Variants in JAKMIP3 observed in about 807,000 individuals in gnomAD.
The protein encoded by JAKMIP3 is janus kinase and microtubule-interacting protein 3.
Under a neutral mutation model 118.5 loss-of-function variants are expected in JAKMIP3, and 58 were observed. The ratio of observed to expected loss-of-function variants is 0.49; its 90% CI spans 0.40 to 0.61. The LOEUF is 0.61. Among genes scored for constraint, JAKMIP3 ranks in the 20% least tolerant of loss-of-function variants. The pLI, the probability that JAKMIP3 is intolerant of heterozygous loss-of-function variation, is 0.00. For synonymous variants in JAKMIP3, 486 were observed against 451.2 expected (o/e 1.08, Z -0.98); for missense variants, 950 against 1,109.0 (o/e 0.86, Z 2.04).
At position 132,180,642 on chromosome 10, in the gene JAKMIP3, T is replaced by TGC. The variant is rs1295354223; in HGVS notation, c.*1104-1714_*1104-1713insCG. The stretch of plus-strand genomic sequence containing the variant: ...GTGTGTGTGCGTGTGTGCGTGCGTG[T>TGC]GTGCGTGTGCGTGTGCGTGTGTGCG... On this transcript the variant is annotated intron_variant, in intron 23 of 23. Coordinates refer to ENST00000684848, the MANE Select transcript of JAKMIP3 (RefSeq NM_001323087.2). Among the ~76,000 whole-genome samples, 137 of 31,770 alleles carry TGC rather than the reference T, an allele frequency of 4.3e-3. 8 individuals carry two copies. The highest frequency in any genetic ancestry group is 9.2e-3 in the South Asian group (8 of 870). The allele number at this position is 31,770 out of a possible 152,430, so 20.8% of individuals were successfully genotyped here. A position where few individuals can be genotyped will look rare whatever the true frequency, so the allele number is the denominator to read the frequency against.
In JAKMIP3 at chr10:132,096,773, G is replaced by A. The variant is rs763547519; in HGVS notation, c.-137-7899G>A. Among the ~76,000 whole-genome samples the A allele has an allele frequency of 1.5e-3, 236 of 152,278 alleles. 1 individual carries two copies. Among genetic ancestry groups the A allele is most frequent in the Admixed American group, 2.8e-3 (43 of 15,300 alleles). On this transcript the variant is annotated intron_variant, in intron 1 of 23. Transcript: ENST00000684848. ...AACCAGTGTAAGAAGACTCTGAAAG[G>A]CAGGCTGGAGAAAGCGGCCGGCCAG...
intron 19 of JAKMIP3, among the ~76,000 whole-genome samples, chr10:132,154,914 T>G (rs893264687): frequency 8.5e-5 from 2 of 23,396 alleles, no homozygotes; most frequent in African/African-American, 3.1e-4. Context: ...ATGATGACGG[T>G]GGTGGTAGTG....
intron 1 of JAKMIP3, among the ~76,000 whole-genome samples, chr10:132,042,219 T>TTCCTTCCTTCCTTCCTTCC (rs1564848163): frequency 2.4e-4 from 7 of 29,212 alleles, no homozygotes; most frequent in Admixed American, 5.9e-4. Flanking sequence ...TCCTTCCTTC[T>TTCCTTCCTTCCTTCCTTCC]TTCCTCCTCC....
chr10:132,173,716 T>C (rs1291258962), intron 23 of JAKMIP3, among the ~76,000 whole-genome samples: 1 of 126,584 alleles, frequency 7.9e-6, no homozygotes, highest in African/African-American at 2.7e-5. Flanking sequence ...ATGTTCATGG[T>C]GGTGTGTGTG....
intron 4 of JAKMIP3, 115 bp from the exon 5 acceptor site, chr10:132,134,926 A>G: frequency 7.8e-7 from 1 of 1,288,822 alleles, no homozygotes; most frequent in Non-Finnish European, 1.1e-6. Context: ...AGCCGCGTGG[A>G]GGTAAAGGCG....
At position 132,168,097 on chromosome 10, in the gene JAKMIP3, T is replaced by G. The variant is rs934693417; in HGVS notation, c.*167T>G. 1 of 1,288,918 alleles carries G rather than the reference T, an allele frequency of 7.8e-7. No individual in the cohort carries two copies. Among genetic ancestry groups the G allele is most frequent in the African/African-American group, 1.5e-5 (1 of 65,712 alleles). The allele number at this position is 1,288,918 out of a possible 1,614,324, so 79.8% of individuals were successfully genotyped here. On this transcript the variant is annotated 3_prime_UTR_variant, in exon 23 of 24. Coordinates refer to ENST00000684848, the MANE Select transcript of JAKMIP3 (RefSeq NM_001323087.2). ...AGGAAGAGTGAGAAGGGGCAGTGTG[T>G]GGGGCGTGGAGCTGCCGTCCACGTG...
chr10:132,075,425 T>TTTTA (rs35294554), intron 1 of JAKMIP3, among the ~76,000 whole-genome samples: 2 of 150,026 alleles, frequency 1.3e-5, no homozygotes, highest in African/African-American at 4.9e-5. Flanking sequence ...TTTTTTTTTT[T>TTTTA]AAAGACAGTC....
At chr10:132,144,989 C>T (rs2054318745) in intron 11 of JAKMIP3, 118 bp from the exon 12 acceptor site, 1 of 747,880 alleles carries the variant, frequency 1.3e-6, no homozygotes, top group Non-Finnish European at 2.2e-6. Flanking sequence ...GAAGGGCGAA[C>T]AGTCACTTCT....
At position 132,081,685 on chromosome 10, in the gene JAKMIP3, C is replaced by T. The variant is rs1388544085; in HGVS notation, c.-138+15624C>T. Among the ~76,000 whole-genome samples the T allele has an allele frequency of 2.6e-5, 4 of 152,172 alleles. No individual in the cohort carries two copies. In the East Asian group the frequency reaches 7.7e-4, roughly 29 times the overall value. On this transcript the variant is annotated intron_variant, in intron 1 of 23. Coordinates refer to ENST00000684848, the MANE Select transcript of JAKMIP3 (RefSeq NM_001323087.2). ...TGTCCTCCTGTTCTTTTATGTACAG[C>T]ACAGGTCAAGCTGCAGAGATGAGCC...
Position 132,142,009 on chromosome 10 carries a change from G to A in JAKMIP3, c.1563G>A (p.Glu521=), listed in dbSNP as rs1158266772. 1 of 1,608,958 alleles carries A rather than the reference G, an allele frequency of 6.2e-7. No homozygotes were observed. Among genetic ancestry groups the A allele is most frequent in the African/African-American group, 1.3e-5 (1 of 75,004 alleles). The change falls in exon 11 of 24, where the codon GAG becomes GAA. Residue 521 remains glutamate, a synonymous_variant. Coordinates refer to ENST00000684848, the MANE Select transcript of JAKMIP3 (RefSeq NM_001323087.2). The part of the protein sequence containing the change: ...ALQRAYALLQ[E]QVGGTLDAER... ...AGCGTGCCTACGCTTTGTTGCAGGAGCAGGTTGGAGGGACGCTGGACGCAG... is the reference window on the plus strand; with the variant it reads ...AGCGTGCCTACGCTTTGTTGCAGGAACAGGTTGGAGGGACGCTGGACGCAG...
intron 3 of JAKMIP3, among the ~76,000 whole-genome samples, chr10:132,131,796 C>G (rs1041674956): frequency 6.6e-6 from 1 of 151,988 alleles, no homozygotes; most frequent in Non-Finnish European, 1.5e-5. Context: ...GCTCTTCCCC[C>G]GGGTGTCTGT....
At chr10:132,059,315 A>G (rs1305238624) in intron 1 of JAKMIP3, among the ~76,000 whole-genome samples, 1 of 152,248 alleles carries the variant, frequency 6.6e-6, no homozygotes. Context: ...GCCAGGAGAC[A>G]CTGTGCGCTG....
intron 22 of JAKMIP3, 65 bp downstream of exon 22, chr10:132,167,120 C>T (rs975574433): frequency 8.8e-7 from 1 of 1,133,654 alleles, no homozygotes; most frequent in Non-Finnish European, 1.3e-6. Context: ...CTCCTCTGCC[C>T]CTGCCCTGCC....
At chr10:132,143,321 G>A (rs571213966) in intron 11 of JAKMIP3, among the ~76,000 whole-genome samples, 2 of 152,252 alleles carry the variant, frequency 1.3e-5, no homozygotes, top group Non-Finnish European at 2.9e-5. Context: ...CAGCAGCCCC[G>A]AGACATCCCA....
intron 6 of JAKMIP3, 91 bp downstream of exon 6, chr10:132,136,167 G>A: frequency 1.4e-6 from 2 of 1,410,072 alleles, no homozygotes; most frequent in Non-Finnish European, 1.9e-6. Flanking sequence ...TAGCATGACA[G>A]CCGGTCCCGG....
At position 132,145,576 on chromosome 10, in the gene JAKMIP3, A is replaced by G; in HGVS notation, c.1745A>G (p.Glu582Gly). 1 of 1,562,018 alleles carries G rather than the reference A, an allele frequency of 6.4e-7. No individual in the cohort carries two copies. The highest frequency in any genetic ancestry group is 8.7e-7 in the Non-Finnish European group (1 of 1,153,032). The change falls in exon 13 of 24, where the codon GAA (glutamate) becomes GGA (glycine). Residue 582 changes from glutamate (E) to glycine (G), a missense_variant. Glu to Gly is a moderately conservative substitution (Grantham distance 98). Transcript: ENST00000684848. ...TACCGGAGAAATCAAGAGCTTGTGG[A>G]AAAGGTGAGCCCCGAACCCCTGGAG... is the stretch of plus-strand genomic sequence containing the variant. ...ALYRRNQELV[E>G]KIKQMETEEA...
intron 1 of JAKMIP3, among the ~76,000 whole-genome samples, chr10:132,083,764 C>T (rs755279951): frequency 1.3e-5 from 2 of 152,114 alleles, no homozygotes; most frequent in Non-Finnish European, 2.9e-5. Flanking sequence ...AGCCAGGTAT[C>T]CCAGCACCAT....
At chr10:132,154,108 A>C (rs1454134831) in intron 19 of JAKMIP3, 118 bp downstream of exon 19, 9 of 771,072 alleles carry the variant, frequency 1.2e-5, no homozygotes, top group East Asian at 2.6e-5. Context: ...AGGGCCCCTA[A>C]TGGCCCCTAA....
chr10:132,036,366 T>G (rs2037495616), upstream of JAKMIP3, among the ~76,000 whole-genome samples: 1 of 152,166 alleles, frequency 6.6e-6, no homozygotes, highest in African/African-American at 2.4e-5. Flanking sequence ...CGCGTGCAGC[T>G]CCCCCGTGCT....
Sources: gnomAD v4.1 joint callset for allele counts (sites outside exome capture counted in the v4.1 genomes callset) on GRCh38, gnomAD v4.1.1 for gene constraint, MANE v1.5 for transcripts, NCBI Gene and HGNC (gene_info 2026-07-23, HGNC 2026-07-21) for gene names.